Variants in AOPEP observed in about 807,000 individuals in gnomAD.
AOPEP encodes the protein aminopeptidase O (putative), also known as aminopeptidase O.
In AOPEP, 77 loss-of-function variants were observed where a neutral mutation model predicts 98.1. That is an observed-to-expected ratio of 0.78 (90% CI 0.65 to 0.95). The LOEUF is 0.95. AOPEP is among the 40% of genes least tolerant of loss of function. AOPEP has a pLI of 0.00. For missense variants in AOPEP, 1,024 were observed against 1,024.7 expected, an observed-to-expected ratio of 1.00 and a Z score of 0.01; for synonymous variants, 346 against 365.3, an observed-to-expected ratio of 0.95 and a Z score of 0.60.
chr9:94,989,357 C>T (rs2060731162), intron 11 of AOPEP, among the ~76,000 whole-genome samples: 1 of 152,062 alleles, frequency 6.6e-6, no homozygotes, highest in South Asian at 2.1e-4. Context: ...CCACCTTGGC[C>T]TCCCAAAGTG....
At chr9:95,123,832 G>C in the AOPEP span, 1 of 660,862 alleles carries the variant, frequency 1.5e-6, no homozygotes, top group Non-Finnish European at 2.8e-6. Context: ...TTAGACCTGC[G>C]GATGCTGCCC....
intron 1 of AOPEP, among the ~76,000 whole-genome samples, chr9:94,728,447 C>A (rs1829776491): frequency 6.6e-6 from 1 of 152,166 alleles, no homozygotes; most frequent in African/African-American, 2.4e-5. Context: ...TACACAATTT[C>A]TTGCCTTCTT....
intron 3 of AOPEP, among the ~76,000 whole-genome samples, chr9:94,790,176 A>G (rs1281115762): frequency 6.7e-6 from 1 of 148,502 alleles, no homozygotes; most frequent in East Asian, 2.0e-4. Context: ...CGCCCGGCCA[A>G]CTTGTTCTTT....
At chr9:95,098,335 CCA>C in the AOPEP span, among the ~76,000 whole-genome samples, 1 of 87,506 alleles carries the variant, frequency 1.1e-5, no homozygotes, top group Non-Finnish European at 3.6e-5. Context: ...GGACTAGCTC[CCA>C]TTTCTGTCCT....
intron 7 of AOPEP, among the ~76,000 whole-genome samples, chr9:94,945,626 C>G (rs1197298075): frequency 6.6e-6 from 1 of 152,150 alleles, no homozygotes; most frequent in Non-Finnish European, 1.5e-5. Flanking sequence ...CTGTCCTCCA[C>G]TGAGGAGGGA....
At position 94,792,755 on chromosome 9, in the gene AOPEP, C is replaced by T; in HGVS notation, c.965-10C>T. ...TGGCCTCATTATGGTTTTTCTCTTC[C>T]TGTTTACAGAGTGCTCAAGCTGGTA... On this transcript the variant is annotated splice_polypyrimidine_tract_variant and intron_variant, in intron 3 of 16. Transcript: ENST00000375315. The T allele has an allele frequency of 6.3e-7, 1 of 1,580,544 alleles. No individual in the cohort carries two copies. The highest frequency in any genetic ancestry group is 8.6e-7 in the Non-Finnish European group (1 of 1,159,716).
At chr9:95,081,647 G>C (rs2069795226) in intron 15 of AOPEP, among the ~76,000 whole-genome samples, 1 of 152,198 alleles carries the variant, frequency 6.6e-6, no homozygotes, top group Non-Finnish European at 1.5e-5. Context: ...GAGGTATCTG[G>C]AAAAACATAC....
intron 7 of AOPEP, chr9:94,932,223 C>T (rs12552838): frequency 0.044 from 43,717 of 986,356 alleles, 2,320 homozygotes; most frequent in African/African-American, 0.25. Context: ...TATGCTTGGT[C>T]CAAGCATCTT....
At chr9:94,771,734 C>G (rs1840932427) in intron 2 of AOPEP, among the ~76,000 whole-genome samples, 1 of 150,114 alleles carries the variant, frequency 6.7e-6, no homozygotes, top group Non-Finnish European at 1.5e-5. Flanking sequence ...GGTCCCAGCT[C>G]CCCCTGGACA....
chr9:94,938,107 T>C (rs1020393669), intron 7 of AOPEP, among the ~76,000 whole-genome samples: 1 of 152,204 alleles, frequency 6.6e-6, no homozygotes, highest in African/African-American at 2.4e-5. Flanking sequence ...TTTCCTGACC[T>C]TGTGATCCAC....
downstream of AOPEP, among the ~76,000 whole-genome samples, chr9:95,089,384 G>C (rs1010483181): frequency 6.6e-6 from 1 of 152,230 alleles, no homozygotes; most frequent in Non-Finnish European, 1.5e-5. Context: ...TGTCTGCACG[G>C]GACATAGTAG....
intron 13 of AOPEP, among the ~76,000 whole-genome samples, chr9:95,013,067 A>C (rs561905875): frequency 6.7e-6 from 1 of 150,238 alleles, no homozygotes; most frequent in African/African-American, 2.4e-5. Flanking sequence ...ACTGGTCCCA[A>C]CTGTACCACC....
intron 10 of AOPEP, among the ~76,000 whole-genome samples, chr9:94,969,130 G>A (rs1423852193): frequency 6.6e-6 from 1 of 152,054 alleles, no homozygotes; most frequent in Non-Finnish European, 1.5e-5. Flanking sequence ...TGGGGAAACT[G>A]AGACTCCAAG....
intron 11 of AOPEP, among the ~76,000 whole-genome samples, chr9:94,982,851 CCAAA>C (rs2060274363): frequency 6.6e-6 from 1 of 152,016 alleles, no homozygotes; most frequent in Non-Finnish European, 1.5e-5. Context: ...TTTTTCATGT[CCAAA>C]CAAAGGTTTC....
intron 5 of AOPEP, among the ~76,000 whole-genome samples, chr9:94,895,766 A>T (rs1237300336): frequency 2.0e-5 from 3 of 152,040 alleles, no homozygotes; most frequent in African/African-American, 7.2e-5. Context: ...TATGTTTGAG[A>T]GGCTGGTCTT....
In AOPEP at chr9:95,003,142, A is replaced by ATGTGTGTGTG. The variant is rs139797365; in HGVS notation, c.1978-2001_1978-1992dup. Among the ~76,000 whole-genome samples, 271 of 149,462 alleles carry ATGTGTGTGTG rather than the reference A, an allele frequency of 1.8e-3. 1 individual carries two copies. The highest frequency in any genetic ancestry group is 6.2e-3 in the African/African-American group (252 of 40,436). The stretch of plus-strand genomic sequence containing the variant: ...TTCAATGGGATTTATAGAATTAAGA[A>ATGTGTGTGTG]TGTGTGTGTGTGTGTGTGTGTGTGC... On this transcript the variant is annotated intron_variant, in intron 11 of 16. Coordinates refer to ENST00000375315, the MANE Select transcript of AOPEP (RefSeq NM_001193329.3).
At chr9:94,845,506 G>A (rs1408906541) in intron 5 of AOPEP, among the ~76,000 whole-genome samples, 1 of 152,190 alleles carries the variant, frequency 6.6e-6, no homozygotes. Context: ...GTGGATACCC[G>A]TTTTGGGGGA....
intron 1 of AOPEP, among the ~76,000 whole-genome samples, chr9:94,755,917 TA>T (rs1836916184): frequency 6.6e-6 from 1 of 152,202 alleles, no homozygotes; most frequent in African/African-American, 2.4e-5. Context: ...TTCAATAAAA[TA>T]AAGATGACTT....
intron 14 of AOPEP, among the ~76,000 whole-genome samples, chr9:95,079,164 G>A (rs975850149): frequency 6.6e-6 from 1 of 152,186 alleles, no homozygotes; most frequent in Non-Finnish European, 1.5e-5. Context: ...GTTAACACCC[G>A]TTCTCAGAGG....
Sources: gnomAD v4.1 joint callset for allele counts (sites outside exome capture counted in the v4.1 genomes callset) on GRCh38, gnomAD v4.1.1 for gene constraint, MANE v1.5 for transcripts, NCBI Gene and HGNC (gene_info 2026-07-23, HGNC 2026-07-21) for gene names.